The following PTPRK variants were observed in gnomAD, a reference collection of about 807,000 sequenced individuals.
The protein encoded by PTPRK is protein tyrosine phosphatase receptor type K, also known as receptor-type tyrosine-protein phosphatase kappa.
In PTPRK, 75 loss-of-function variants were observed where a neutral mutation model predicts 178.0. The ratio of observed to expected loss-of-function variants is 0.42; its 90% CI spans 0.35 to 0.51. PTPRK has a LOEUF of 0.51. PTPRK is among the 20% of genes least tolerant of loss of function. PTPRK has a pLI of 0.02. For missense variants in PTPRK, 1,441 were observed against 1,797.8 expected (o/e 0.80, Z 3.59); for synonymous variants, 637 against 620.6 (o/e 1.03, Z -0.39).
chr6:128,100,812 G>T (rs1439415196), intron 7 of PTPRK, among the ~76,000 whole-genome samples: 1 of 151,930 alleles, frequency 6.6e-6, no homozygotes, highest in African/African-American at 2.4e-5. Flanking sequence ...AGTCTACAGG[G>T]TTAGTCAAAT....
At chr6:128,464,916 T>C (rs747449254) in intron 1 of PTPRK, among the ~76,000 whole-genome samples, 30 of 151,080 alleles carry the variant, frequency 2.0e-4, no homozygotes, top group Non-Finnish European at 3.6e-4. Context: ...ACAAAGGCTA[T>C]GGATGGAAAG....
chr6:128,344,429 G>C (rs1425486765), intron 2 of PTPRK, among the ~76,000 whole-genome samples: 2 of 152,124 alleles, frequency 1.3e-5, no homozygotes, highest in African/African-American at 4.8e-5. Context: ...TAAAACATAA[G>C]ATGATACCCT....
intron 1 of PTPRK, among the ~76,000 whole-genome samples, chr6:128,445,944 A>G (rs371956972): frequency 2.0e-5 from 3 of 152,158 alleles, no homozygotes; most frequent in Non-Finnish European, 4.4e-5. Flanking sequence ...AACATGTTCC[A>G]TCTTGTATAG....
intron 2 of PTPRK, among the ~76,000 whole-genome samples, chr6:128,372,949 T>C (rs1406146212): frequency 6.6e-6 from 1 of 151,718 alleles, no homozygotes; most frequent in Non-Finnish European, 1.5e-5. Flanking sequence ...TATGTGAATG[T>C]ACCATACACT....
intron 7 of PTPRK, among the ~76,000 whole-genome samples, chr6:128,138,922 A>T (rs1313634321): frequency 1.3e-5 from 2 of 152,078 alleles, no homozygotes; most frequent in Non-Finnish European, 2.9e-5. Flanking sequence ...CATACAAAGG[A>T]AAATGACAAG....
chr6:128,147,097 C>T (rs936553990), intron 7 of PTPRK, among the ~76,000 whole-genome samples: 11 of 152,074 alleles, frequency 7.2e-5, no homozygotes, highest in African/African-American at 2.4e-4. Context: ...ATGAATATTG[C>T]ATTCATTTCT....
intron 5 of PTPRK, among the ~76,000 whole-genome samples, chr6:128,226,028 G>A (rs766765558): frequency 6.6e-6 from 1 of 152,158 alleles, no homozygotes. Context: ...TAGGAAGCAT[G>A]AGTATCTTTG....
rs557056094 is a variant in PTPRK, at chr6:128,430,474, A to T, written c.101-32786T>A. Among the ~76,000 whole-genome samples the T allele has an allele frequency of 9.8e-5, 15 of 152,324 alleles. No homozygotes were observed. The East Asian group carries it at 2.9e-3, about 29-fold the overall frequency. On this transcript the variant is annotated intron_variant, in intron 1 of 29. Coordinates refer to ENST00000368226, the MANE Select transcript of PTPRK (RefSeq NM_002844.4). The stretch of plus-strand genomic sequence containing the variant: ...TTGAACAAGAATTTATCAAGTGTTC[A>T]TTCTATATCAGAGAGTATACTAAGT...
At chr6:128,001,376 C>T (rs1304418850) in intron 15 of PTPRK, among the ~76,000 whole-genome samples, 1 of 151,918 alleles carries the variant, frequency 6.6e-6, no homozygotes, top group Non-Finnish European at 1.5e-5. Flanking sequence ...CTAAAGACCA[C>T]AATCCTAAGA....
chr6:128,439,110 A>G (rs548171533), intron 1 of PTPRK, among the ~76,000 whole-genome samples: 1 of 152,324 alleles, frequency 6.6e-6, no homozygotes, highest in Non-Finnish European at 1.5e-5. Context: ...TTAGAAGATC[A>G]GGATTCCACT....
chr6:128,102,072 T>G (rs1788884427), intron 7 of PTPRK, among the ~76,000 whole-genome samples: 1 of 152,184 alleles, frequency 6.6e-6, no homozygotes, highest in African/African-American at 2.4e-5. Flanking sequence ...AGATAAATGG[T>G]TTATGTAAAC....
intron 21 of PTPRK, among the ~76,000 whole-genome samples, chr6:127,990,141 T>TA (rs760274015): frequency 2.0e-5 from 3 of 152,238 alleles, no homozygotes; most frequent in South Asian, 2.1e-4. Flanking sequence ...TAGTATGAAC[T>TA]AAAATCATCA....
intron 7 of PTPRK, among the ~76,000 whole-genome samples, chr6:128,134,723 A>T (rs1045761978): frequency 6.6e-6 from 1 of 152,156 alleles, no homozygotes; most frequent in Non-Finnish European, 1.5e-5. Flanking sequence ...AAGTGGGTGG[A>T]GTGCTTGAGC....
intron 7 of PTPRK, among the ~76,000 whole-genome samples, chr6:128,115,441 G>C (rs142554725): frequency 6.6e-6 from 1 of 152,166 alleles, no homozygotes; most frequent in East Asian, 1.9e-4. Context: ...AAAATGTACA[G>C]AATGTCAAAA....
At chr6:128,116,296 G>C (rs1791516330) in intron 7 of PTPRK, among the ~76,000 whole-genome samples, 1 of 152,016 alleles carries the variant, frequency 6.6e-6, no homozygotes, top group Non-Finnish European at 1.5e-5. Flanking sequence ...GAATTAATTA[G>C]TTTTATCTAT....
At chr6:128,378,322 A>G (rs576524320) in intron 2 of PTPRK, among the ~76,000 whole-genome samples, 1 of 152,254 alleles carries the variant, frequency 6.6e-6, no homozygotes, top group African/African-American at 2.4e-5. Context: ...TTGAAAGCAA[A>G]ACAAAAAATG....
At position 128,192,810 on chromosome 6, in the gene PTPRK, C is replaced by T. The variant is rs148036090; in HGVS notation, c.869-8085G>A. Among the ~76,000 whole-genome samples the T allele has an allele frequency of 6.5e-3, 841 of 129,556 alleles. 3 individuals are homozygous for T. The highest frequency in any genetic ancestry group is 0.024 in the Middle Eastern group (6 of 246). 85.0% of individuals were successfully genotyped at this position (129,556 alleles called of 152,430 possible). A position where few individuals can be genotyped will look rare whatever the true frequency, so the allele number is the denominator to read the frequency against. ...CCAGTGTGGGCAACAGAATGAGACCCTATATCAGAAAAAGGGAAGGGAAGG... is the reference window on the plus strand; with the variant it reads ...CCAGTGTGGGCAACAGAATGAGACCTTATATCAGAAAAAGGGAAGGGAAGG... On this transcript the variant is annotated intron_variant, in intron 6 of 29. Coordinates refer to ENST00000368226, the MANE Select transcript of PTPRK (RefSeq NM_002844.4).
intron 1 of PTPRK, among the ~76,000 whole-genome samples, chr6:128,487,809 C>T (rs540634221): frequency 2.2e-4 from 33 of 152,228 alleles, no homozygotes; most frequent in Middle Eastern, 3.4e-3. Flanking sequence ...CTCTTGTTAA[C>T]CTGTCTTTTG....
chr6:127,996,873 A>G (rs764067990), intron 17 of PTPRK, 28 bp downstream of exon 17: 7 of 1,597,580 alleles, frequency 4.4e-6, no homozygotes, highest in South Asian at 1.1e-5. Flanking sequence ...TAATATTTAC[A>G]TTCACCAAGA....
Sources: gnomAD v4.1 joint callset for allele counts (sites outside exome capture counted in the v4.1 genomes callset) on GRCh38, gnomAD v4.1.1 for gene constraint, MANE v1.5 for transcripts, NCBI Gene and HGNC (gene_info 2026-07-23, HGNC 2026-07-21) for gene names.